Variants in NALF1 observed in about 807,000 individuals in gnomAD.
NALF1 encodes the protein NALCN channel auxiliary factor 1, also known as family with sequence similarity 155 member A.
Under a neutral mutation model 48.4 loss-of-function variants are expected in NALF1, and 3 were observed. That is an observed-to-expected ratio of 0.06 (90% CI 0.03 to 0.16). The LOEUF (loss-of-function observed/expected upper bound fraction) is 0.16. Ranked by LOEUF, NALF1 falls within the 10% of genes least tolerant of loss-of-function variation. NALF1 has a pLI of 1.00. For missense variants in NALF1, 526 were observed against 571.5 expected (o/e 0.92, Z 0.81); for synonymous variants, 262 against 245.7 (o/e 1.07, Z -0.62).
At chr13:107,499,949 C>G (rs1875462976) in intron 1 of NALF1, among the ~76,000 whole-genome samples, 1 of 152,084 alleles carries the variant, frequency 6.6e-6, no homozygotes, top group Non-Finnish European at 1.5e-5. Flanking sequence ...AAAACTCATT[C>G]TAATATTCCA....
intron 1 of NALF1, among the ~76,000 whole-genome samples, chr13:107,499,820 G>A (rs112097909): frequency 6.6e-6 from 1 of 151,758 alleles, no homozygotes; most frequent in African/African-American, 2.4e-5. Context: ...CAGATTATAG[G>A]TGACTTTGAG....
chr13:107,203,449 G>C (rs560962862), intron 2 of NALF1, among the ~76,000 whole-genome samples: 4 of 152,346 alleles, frequency 2.6e-5, no homozygotes, highest in African/African-American at 9.6e-5. Context: ...TGAGGGCAGT[G>C]CGCATAGTCT....
intron 1 of NALF1, among the ~76,000 whole-genome samples, chr13:107,421,445 A>T (rs1241896842): frequency 6.6e-6 from 1 of 152,216 alleles, no homozygotes; most frequent in Non-Finnish European, 1.5e-5. Flanking sequence ...TATACCTTTG[A>T]TTCAAAAAAC....
intron 1 of NALF1, among the ~76,000 whole-genome samples, chr13:107,503,411 C>T (rs1417600383): frequency 8.5e-5 from 13 of 152,130 alleles, no homozygotes; most frequent in Non-Finnish European, 1.9e-4. Context: ...TATTACCTCA[C>T]ACGCACAAAA....
At chr13:107,465,670 G>A (rs903778285) in intron 1 of NALF1, among the ~76,000 whole-genome samples, 7 of 152,122 alleles carry the variant, frequency 4.6e-5, no homozygotes, top group Non-Finnish European at 7.3e-5. Context: ...TGGGGCACTG[G>A]GGAGTGTATT....
chr13:107,760,701 T>C (rs1005036656), intron 1 of NALF1, among the ~76,000 whole-genome samples: 2 of 152,172 alleles, frequency 1.3e-5, no homozygotes, highest in Non-Finnish European at 2.9e-5. Context: ...GTTACTCAAA[T>C]ACCACGCATG....
chr13:107,420,332 C>T (rs1323673), intron 1 of NALF1, among the ~76,000 whole-genome samples: 34,579 of 151,856 alleles, frequency 0.23, 4,211 homozygotes, highest in Middle Eastern at 0.29. Context: ...ACATTGCTAA[C>T]GTGATATTAT....
intron 1 of NALF1, among the ~76,000 whole-genome samples, chr13:107,496,881 T>C (rs1875356640): frequency 6.6e-6 from 1 of 152,094 alleles, no homozygotes; most frequent in African/African-American, 2.4e-5. Context: ...GAGAACAGCA[T>C]AGGAAAAACC....
At position 107,637,958 on chromosome 13, in the gene NALF1, G is replaced by A. The variant is rs550162885; in HGVS notation, c.915+227724C>T. ...AGAGAGTCAAATTAGCCTTAGAAACGTCACCATGGTGAGTGCAAAGATGAA... is the reference window on the plus strand; with the variant it reads ...AGAGAGTCAAATTAGCCTTAGAAACATCACCATGGTGAGTGCAAAGATGAA... On this transcript the variant is annotated intron_variant, in intron 1 of 2. Coordinates refer to ENST00000375915, the MANE Select transcript of NALF1 (RefSeq NM_001080396.3). Among the ~76,000 whole-genome samples the A allele has an allele frequency of 1.5e-4, 23 of 151,742 alleles. No homozygotes were observed. The East Asian group carries it at 1.8e-3, about 12-fold the overall frequency.
intron 1 of NALF1, among the ~76,000 whole-genome samples, chr13:107,438,524 C>T (rs1331994240): frequency 6.6e-6 from 1 of 152,030 alleles, no homozygotes; most frequent in African/African-American, 2.4e-5. Context: ...ATAATATAGG[C>T]TGGGCCCAGT....
chr13:107,587,586 ATAAG>A (rs1251512434), intron 1 of NALF1, among the ~76,000 whole-genome samples: 1 of 152,152 alleles, frequency 6.6e-6, no homozygotes, highest in Non-Finnish European at 1.5e-5. Context: ...ACGCACTCTT[ATAAG>A]TGAGTCTGAG....
chr13:107,455,858 T>C (rs1167115675), intron 1 of NALF1, among the ~76,000 whole-genome samples: 1 of 146,602 alleles, frequency 6.8e-6, no homozygotes, highest in Non-Finnish European at 1.5e-5. Flanking sequence ...CTTAGCTCGA[T>C]AACTCTTTTT....
chr13:107,261,662 G>T (rs1566467270), intron 1 of NALF1, among the ~76,000 whole-genome samples: 1 of 152,092 alleles, frequency 6.6e-6, no homozygotes, highest in Admixed American at 6.6e-5. Flanking sequence ...TCATCTGGGG[G>T]TAGGCAGCCT....
At chr13:107,274,198 A>G (rs778491819) in intron 1 of NALF1, among the ~76,000 whole-genome samples, 5 of 152,192 alleles carry the variant, frequency 3.3e-5, no homozygotes, top group Non-Finnish European at 5.9e-5. Flanking sequence ...GGGTAACAAC[A>G]GAGTCATTTT....
At position 107,866,404 on chromosome 13, in the gene NALF1, T is replaced by C. The variant is rs1425802222; in HGVS notation, c.193A>G (p.Thr65Ala). The change falls in exon 1 of 3, where the codon ACC (threonine) becomes GCC (alanine). Residue 65 changes from threonine to alanine, a missense_variant. This residue lies in a region of NALF1 where 373 missense variants were observed against 355.5 expected (regional missense o/e 1.05). Transcript: ENST00000375915. This position sits in a 1 kb window ranked among gnomAD's most constrained non-coding sequence, Gnocchi z 4.4. Reference protein sequence around the residue: ...HLWFCAEAKLTRARDKEHQQQ... With the variant: ...HLWFCAEAKLARARDKEHQQQ... Reference sequence around the variant, plus strand: ...TGGTGCTCCTTGTCCCGGGCCCGGGTCAGCTTGGCCTCGGCGCAGAACCAC... The same window carrying C: ...TGGTGCTCCTTGTCCCGGGCCCGGGCCAGCTTGGCCTCGGCGCAGAACCAC... 1 of 1,613,754 alleles carries C rather than the reference T, an allele frequency of 6.2e-7. No homozygotes were observed. The highest frequency in any genetic ancestry group is 1.3e-5 in the African/African-American group (1 of 75,008).
chr13:107,346,143 G>C lies in NALF1; in HGVS notation c.916-135388C>G, dbSNP rs1882767262. ...CACATTGGTGCATATGAGGAGAAACGGGAAACATTGCGTACTTTGTTGGGG... is the reference window on the plus strand; with the variant it reads ...CACATTGGTGCATATGAGGAGAAACCGGAAACATTGCGTACTTTGTTGGGG... On this transcript the variant is annotated intron_variant, in intron 1 of 2. Transcript: ENST00000375915. Among the ~76,000 whole-genome samples, 4 of 152,088 alleles carry C rather than the reference G, an allele frequency of 2.6e-5. 1 individual carries two copies. In the South Asian group the frequency reaches 8.3e-4, roughly 32 times the overall value.
intron 1 of NALF1, among the ~76,000 whole-genome samples, chr13:107,257,642 T>C (rs1242432942): frequency 6.6e-6 from 1 of 152,090 alleles, no homozygotes; most frequent in East Asian, 1.9e-4. Flanking sequence ...TGTGAAGAGG[T>C]CAGCGACCCA....
At chr13:107,704,571 G>GC (rs1259375265) in intron 1 of NALF1, among the ~76,000 whole-genome samples, 2 of 151,808 alleles carry the variant, frequency 1.3e-5, no homozygotes, top group Non-Finnish European at 2.9e-5. Flanking sequence ...TGTTTATTTT[G>GC]AGCCAGTTTT....
chr13:107,176,266 T>TCTC (rs1262961243), intron 2 of NALF1, among the ~76,000 whole-genome samples: 1 of 151,056 alleles, frequency 6.6e-6, no homozygotes, highest in African/African-American at 2.4e-5. Context: ...CTATTTGAAA[T>TCTC]CTCTAGTGAA....
Sources: allele counts gnomAD v4.1 joint callset (sites outside exome capture counted in the v4.1 genomes callset), GRCh38; gene constraint gnomAD v4.1.1; regional missense constraint gnomAD v4.1.1; non-coding constraint Gnocchi (gnomAD v3.1); transcripts MANE v1.5; gene names NCBI Gene and HGNC (gene_info 2026-07-23, HGNC 2026-07-21).